Variants in RUSC2 observed in about 807,000 individuals in gnomAD.
RUSC2 encodes RUN and SH3 domain containing 2.
In RUSC2, 34 loss-of-function variants were observed where a neutral mutation model predicts 122.2. The ratio of observed to expected loss-of-function variants is 0.28; its 90% CI spans 0.21 to 0.37. RUSC2 has a LOEUF of 0.37. Among genes scored for constraint, RUSC2 ranks in the 10% least tolerant of loss-of-function variants. RUSC2 has a pLI of 1.00. For missense variants in RUSC2, 1,747 were observed against 1,952.4 expected, an observed-to-expected ratio of 0.89 and a Z score of 1.98; for synonymous variants, 784 against 790.0, an observed-to-expected ratio of 0.99 and a Z score of 0.13.
At chr9:35,519,456 C>T (rs1189027915) in intron 1 of RUSC2, among the ~76,000 whole-genome samples, 1 of 152,174 alleles carries the variant, frequency 6.6e-6, no homozygotes, top group East Asian at 1.9e-4. Flanking sequence ...TAGGAGCATG[C>T]CCTACAACAG....
chr9:35,547,298 C>T lies in RUSC2; in HGVS notation c.777C>T (p.Ser259=), dbSNP rs757303809. The T allele has an allele frequency of 3.1e-5, 50 of 1,614,036 alleles. No homozygotes were observed. The highest frequency in any genetic ancestry group is 1.2e-4 in the Admixed American group (7 of 59,994). Residue 259 remains serine, a synonymous_variant, in exon 2 of 12, where the codon TCC becomes TCT. Coordinates refer to ENST00000361226, the MANE Select transcript of RUSC2 (RefSeq NM_014806.5). This position sits in a 1 kb window ranked among gnomAD's most constrained non-coding sequence, Gnocchi z 4.6. ...GCTGCAGTAGCACATCCAGTCAGTC[C>T]GAGGCAGCTGACCAGTCCATGGGCT... is the stretch of plus-strand genomic sequence containing the variant. The part of the protein sequence containing the change: ...HCRCSSTSSQ[S]EAADQSMGYV...
intron 1 of RUSC2, among the ~76,000 whole-genome samples, chr9:35,494,581 G>A (rs978232197): frequency 4.6e-5 from 7 of 151,588 alleles, no homozygotes; most frequent in Admixed American, 6.6e-5. Flanking sequence ...CATACCTATC[G>A]GCCATTTGTA....
intron 1 of RUSC2, among the ~76,000 whole-genome samples, chr9:35,494,706 T>A (rs10972495): frequency 0.18 from 26,538 of 151,488 alleles, 2,879 homozygotes; most frequent in East Asian, 0.33. Flanking sequence ...CTCAGATGTA[T>A]GATTTGCAAA....
intron 1 of RUSC2, among the ~76,000 whole-genome samples, chr9:35,500,553 C>T: frequency 6.6e-6 from 1 of 152,246 alleles, no homozygotes; most frequent in African/African-American, 2.4e-5. Flanking sequence ...TGTGGATGGG[C>T]TGGTGGTTTT....
At chr9:35,508,231 A>C (rs1040336428) in intron 1 of RUSC2, among the ~76,000 whole-genome samples, 2 of 152,232 alleles carry the variant, frequency 1.3e-5, no homozygotes, top group African/African-American at 4.8e-5. Context: ...ACCTCCTAAC[A>C]AAAGCTAAGT....
At chr9:35,527,748 G>A (rs968147985) in intron 1 of RUSC2, among the ~76,000 whole-genome samples, 1 of 152,050 alleles carries the variant, frequency 6.6e-6, no homozygotes, top group African/African-American at 2.4e-5. Context: ...CTTTAATTTT[G>A]AGAATTTTGT....
At position 35,561,273 on chromosome 9, in the gene RUSC2, G is replaced by A. The variant is rs371824519; in HGVS notation, c.4442G>A (p.Gly1481Glu). 1 of 1,614,088 alleles carries A rather than the reference G, an allele frequency of 6.2e-7. No individual in the cohort carries two copies. The highest frequency in any genetic ancestry group is 8.5e-7 in the Non-Finnish European group (1 of 1,180,036). The change falls in exon 12 of 12, where the codon GGA becomes GAA. Residue 1481 changes from glycine to glutamate, a missense_variant. Coordinates refer to ENST00000361226, the MANE Select transcript of RUSC2 (RefSeq NM_014806.5). ...GDILRVLGRA[G>E]GDWLRCSRGP... Reference sequence around the variant, plus strand: ...ATCCTACGAGTGCTGGGGCGAGCTGGAGGAGACTGGCTGCGCTGCAGCCGT... The same window carrying A: ...ATCCTACGAGTGCTGGGGCGAGCTGAAGGAGACTGGCTGCGCTGCAGCCGT...
At chr9:35,500,384 A>G (rs1820799405) in intron 1 of RUSC2, among the ~76,000 whole-genome samples, 1 of 152,166 alleles carries the variant, frequency 6.6e-6, no homozygotes, top group Non-Finnish European at 1.5e-5. Context: ...CCATGATTCA[A>G]TTACCTCCCA....
rs778893705 is a variant in RUSC2, at chr9:35,557,950, T to C, written c.3020T>C (p.Ile1007Thr). The part of the protein sequence containing the change: ...VKAVNIAVDL[I>T]VAHFGTSRDP... ...GCTGTTAACATCGCTGTGGACCTCA[T>C]TGTGGCTCATTTTGGCACAAGCCGG... The change falls in exon 6 of 12, where the codon ATT (isoleucine) becomes ACT (threonine). Residue 1007 changes from isoleucine (I) to threonine (T), a missense_variant. By Grantham distance (89) the Ile-to-Thr change is moderately conservative. Coordinates refer to ENST00000361226, the MANE Select transcript of RUSC2 (RefSeq NM_014806.5). The surrounding 1 kb of genome is among the most constrained non-coding windows in gnomAD (Gnocchi z 4.6). The C allele has an allele frequency of 1.2e-6, 2 of 1,614,218 alleles. No homozygotes were observed. The highest frequency in any genetic ancestry group is 1.3e-5 in the African/African-American group (1 of 75,050).
chr9:35,556,486 G>A (rs912242583), intron 5 of RUSC2, 38 bp downstream of exon 5: 1 of 1,601,772 alleles, frequency 6.2e-7, no homozygotes, highest in Non-Finnish European at 8.5e-7. Flanking sequence ...GGACTCTGCT[G>A]TCACTACCTC....
chr9:35,551,268 C>A (rs1821888630), intron 2 of RUSC2, among the ~76,000 whole-genome samples: 2 of 152,182 alleles, frequency 1.3e-5, no homozygotes, highest in Non-Finnish European at 2.9e-5. Context: ...GCAGGGATAG[C>A]AGAGGCTCAC....
intron 1 of RUSC2, among the ~76,000 whole-genome samples, chr9:35,518,317 C>T (rs1275463788): frequency 6.6e-6 from 1 of 152,194 alleles, no homozygotes; most frequent in African/African-American, 2.4e-5. Flanking sequence ...TGCTTGGCTG[C>T]TCGGCTGTTT....
In RUSC2 at chr9:35,557,974, G is replaced by A. The variant is rs1041188721; in HGVS notation, c.3044G>A (p.Arg1015Gln). Residue 1015 changes from arginine (R) to glutamine (Q), a missense_variant, in exon 6 of 12, where the codon CGG (arginine) becomes CAG (glutamine). Arg to Gln is a conservative substitution (Grantham distance 43). Coordinates refer to ENST00000361226, the MANE Select transcript of RUSC2 (RefSeq NM_014806.5). This position sits in a 1 kb window ranked among gnomAD's most constrained non-coding sequence, Gnocchi z 4.6. The part of the protein sequence containing the change: ...DLIVAHFGTS[R>Q]DPGVKAKLGN... The stretch of plus-strand genomic sequence containing the variant: ...ATTGTGGCTCATTTTGGCACAAGCC[G>A]GGATCCCGGGGTGAAGGTAGGCAAG... 8 of 1,614,058 alleles carry A rather than the reference G, an allele frequency of 5.0e-6. No individual in the cohort carries two copies. The Admixed American group carries it at 6.7e-5, about 13-fold the overall frequency.
At chr9:35,552,936 G>A (rs1271227457) in intron 2 of RUSC2, among the ~76,000 whole-genome samples, 1 of 152,192 alleles carries the variant, frequency 6.6e-6, no homozygotes, top group Non-Finnish European at 1.5e-5. Flanking sequence ...TAGCAGAGAG[G>A]AGTTTTAAAA....
Position 35,555,186 on chromosome 9 carries a change from A to C in RUSC2, c.2141A>C (p.His714Pro). 1 of 1,613,382 alleles carries C rather than the reference A, an allele frequency of 6.2e-7. No homozygotes were observed. The highest frequency in any genetic ancestry group is 8.5e-7 in the Non-Finnish European group (1 of 1,179,978). Reference sequence around the variant, plus strand: ...CAGCTGGCCAAGGCCCGGGCCCTCCACAGCCTTTCCCAGCTCTACAGCCTC... The same window carrying C: ...CAGCTGGCCAAGGCCCGGGCCCTCCCCAGCCTTTCCCAGCTCTACAGCCTC... Reference protein sequence around the residue: ...PKQLAKARALHSLSQLYSLSG... With the variant: ...PKQLAKARALPSLSQLYSLSG... Residue 714 changes from histidine to proline, a missense_variant, in exon 3 of 12, where the codon CAC (histidine) becomes CCC (proline). Transcript: ENST00000361226. The surrounding 1 kb of genome is among the most constrained non-coding windows in gnomAD (Gnocchi z 4.6).
chr9:35,528,413 G>A (rs1250610619), intron 1 of RUSC2, among the ~76,000 whole-genome samples: 1 of 151,526 alleles, frequency 6.6e-6, no homozygotes, highest in Non-Finnish European at 1.5e-5. Context: ...ATATTATACA[G>A]GATCTCATAT....
chr9:35,500,590 A>G (rs1820803748), intron 1 of RUSC2, among the ~76,000 whole-genome samples: 1 of 152,218 alleles, frequency 6.6e-6, no homozygotes. Context: ...AGTTCTAAGA[A>G]TGCTTTTACT....
intron 1 of RUSC2, among the ~76,000 whole-genome samples, chr9:35,515,999 C>CAAA (rs544797957): frequency 3.8e-4 from 18 of 47,180 alleles, no homozygotes; most frequent in Admixed American, 1.5e-3. Flanking sequence ...ATTCTTGTCT[C>CAAA]AAAAAAAAAA....
Position 35,559,277 on chromosome 9 carries a change from TG to T in RUSC2, c.3388+6del. ...ATCACCTCTATAACCACGAAGGTAATGCCTAGAACCCTGCAGGTCAAACTCA... is the reference window on the plus strand; with the variant it reads ...ATCACCTCTATAACCACGAAGGTAATCCTAGAACCCTGCAGGTCAAACTCA... On this transcript the variant is annotated splice_donor_region_variant and intron_variant, in intron 9 of 11. Coordinates refer to ENST00000361226, the MANE Select transcript of RUSC2 (RefSeq NM_014806.5). 1.2e-6 allele frequency: 2 copies of T among 1,611,416 alleles called. No individual in the cohort carries two copies. The highest frequency in any genetic ancestry group is 1.7e-6 in the Non-Finnish European group (2 of 1,177,538).
Sources: gnomAD v4.1 joint callset for allele counts (sites outside exome capture counted in the v4.1 genomes callset) on GRCh38, gnomAD v4.1.1 for gene constraint, Gnocchi (gnomAD v3.1) non-coding constraint, MANE v1.5 for transcripts, NCBI Gene and HGNC (gene_info 2026-07-23, HGNC 2026-07-21) for gene names.